ZBTB7C: variants seen among roughly 807,000 people sequenced by gnomAD.
The protein encoded by ZBTB7C is zinc finger and BTB domain-containing protein 7C.
Under a neutral mutation model 25.7 loss-of-function variants are expected in ZBTB7C, and 8 were observed. The ratio of observed to expected loss-of-function variants is 0.31; its 90% CI spans 0.18 to 0.56. ZBTB7C has a LOEUF of 0.56. Ranked by LOEUF, ZBTB7C falls within the 20% of genes least tolerant of loss-of-function variation. The pLI is 0.91. For synonymous variants in ZBTB7C, 394 were observed against 369.0 expected, an observed-to-expected ratio of 1.07 and a Z score of -0.78; for missense variants, 824 against 855.2, an observed-to-expected ratio of 0.96 and a Z score of 0.46.
intron 1 of ZBTB7C, among the ~76,000 whole-genome samples, chr18:48,368,471 T>A (rs1413474233): frequency 6.6e-6 from 1 of 152,124 alleles, no homozygotes; most frequent in Non-Finnish European, 1.5e-5. Flanking sequence ...ACAGAAGTTC[T>A]AACATTTCTG....
intron 2 of ZBTB7C, among the ~76,000 whole-genome samples, chr18:48,243,710 T>C (rs1488417082): frequency 6.6e-6 from 1 of 152,134 alleles, no homozygotes; most frequent in Non-Finnish European, 1.5e-5. Flanking sequence ...AGAGCTCACA[T>C]AGCCAAAGCA....
chr18:48,231,659 G>A (rs1157374302), intron 2 of ZBTB7C, among the ~76,000 whole-genome samples: 1 of 152,222 alleles, frequency 6.6e-6, no homozygotes, highest in African/African-American at 2.4e-5. Flanking sequence ...ACCCACCGAT[G>A]GTGGGGCTGA....
At chr18:48,284,613 GC>G (rs1235834701) in intron 2 of ZBTB7C, among the ~76,000 whole-genome samples, 1 of 152,080 alleles carries the variant, frequency 6.6e-6, no homozygotes, top group Non-Finnish European at 1.5e-5. Flanking sequence ...GGCCAACATA[GC>G]GGAACCGTGT....
intron 2 of ZBTB7C, among the ~76,000 whole-genome samples, chr18:48,229,146 G>A (rs888051997): frequency 9.2e-5 from 14 of 152,166 alleles, no homozygotes; most frequent in African/African-American, 2.6e-4. Flanking sequence ...CCACGTGCCC[G>A]CCCAGGCAGC....
chr18:48,149,130 G>C (rs1355440588), intron 3 of ZBTB7C: 7 of 150,624 alleles, frequency 4.6e-5, no homozygotes, highest in African/African-American at 7.4e-5. Context: ...GCAGGCCTGT[G>C]TGTGTGCGCG....
chr18:48,147,564 C>T (rs1913261089), intron 3 of ZBTB7C: 1 of 151,980 alleles, frequency 6.6e-6, no homozygotes, highest in African/African-American at 2.4e-5. Flanking sequence ...CTTTGAGGAA[C>T]CTCTTTTCCT....
intron 3 of ZBTB7C, among the ~76,000 whole-genome samples, chr18:48,167,783 A>G (rs916263873): frequency 1.3e-5 from 2 of 152,246 alleles, no homozygotes; most frequent in Admixed American, 1.3e-4. Flanking sequence ...CAGGGTTTCA[A>G]GGTTTCTTTG....
intron 1 of ZBTB7C, among the ~76,000 whole-genome samples, chr18:48,388,546 T>A (rs756298481): frequency 3.3e-5 from 5 of 152,190 alleles, no homozygotes; most frequent in African/African-American, 4.8e-5. Flanking sequence ...AATGGGAAAT[T>A]CATGAGAGAA....
intron 2 of ZBTB7C, among the ~76,000 whole-genome samples, chr18:48,230,432 C>A (rs559495103): frequency 6.7e-6 from 1 of 148,620 alleles, no homozygotes; most frequent in East Asian, 2.2e-4. Flanking sequence ...CTTTTCCTTG[C>A]TCCTCAGTTT....
intron 3 of ZBTB7C, among the ~76,000 whole-genome samples, chr18:48,167,563 G>GGGGTGTGTGTGTGTGTTT (rs1555705394): frequency 1.4e-5 from 2 of 142,578 alleles, no homozygotes; most frequent in South Asian, 2.3e-4. Flanking sequence ...GCATTGCTAG[G>GGGGTGTGTGTGTGTGTTT]GTGTGTGTGT....
At chr18:48,141,860 C>T (rs532041999) in intron 3 of ZBTB7C, among the ~76,000 whole-genome samples, 25 of 152,184 alleles carry the variant, frequency 1.6e-4, no homozygotes, top group African/African-American at 2.2e-4. Context: ...ATGACCTCAC[C>T]GTTCTGAACT....
intron 3 of ZBTB7C, among the ~76,000 whole-genome samples, chr18:48,174,285 T>G (rs1354768086): frequency 6.6e-6 from 1 of 152,120 alleles, no homozygotes; most frequent in Admixed American, 6.5e-5. Flanking sequence ...ATGGACAAGA[T>G]ATAAAGACAA....
At chr18:48,208,639 G>A (rs185939274) in intron 2 of ZBTB7C, among the ~76,000 whole-genome samples, 3 of 152,226 alleles carry the variant, frequency 2.0e-5, no homozygotes, top group Non-Finnish European at 2.9e-5. Context: ...GCCCCAGGAG[G>A]GCTTTGTCAG....
chr18:48,160,935 G>GTTTTTTT (rs59824886), intron 3 of ZBTB7C, among the ~76,000 whole-genome samples: 1 of 136,896 alleles, frequency 7.3e-6, no homozygotes, highest in African/African-American at 2.8e-5. Flanking sequence ...TTTGAGACAA[G>GTTTTTTT]TTTTTTTTTT....
chr18:48,085,027 C>G (rs527967863), intron 3 of ZBTB7C, among the ~76,000 whole-genome samples: 2 of 152,218 alleles, frequency 1.3e-5, no homozygotes, highest in South Asian at 4.1e-4. Flanking sequence ...GCCCAGCCCC[C>G]GGGAATGGTG....
intron 2 of ZBTB7C, among the ~76,000 whole-genome samples, chr18:48,293,988 C>A (rs904132750): frequency 5.3e-5 from 8 of 152,196 alleles, no homozygotes; most frequent in African/African-American, 1.9e-4. Flanking sequence ...CCGCTGTGGC[C>A]GTGTTTCTTG....
At chr18:48,300,875 A>C (rs1200220998) in intron 2 of ZBTB7C, among the ~76,000 whole-genome samples, 1 of 152,262 alleles carries the variant, frequency 6.6e-6, no homozygotes, top group African/African-American at 2.4e-5. Context: ...TTCGCTGCAA[A>C]GCAAAGGCCT....
chr18:48,387,174 G>C (rs1162932219), intron 1 of ZBTB7C, among the ~76,000 whole-genome samples: 5 of 152,196 alleles, frequency 3.3e-5, no homozygotes, highest in Non-Finnish European at 7.3e-5. Flanking sequence ...GTCAGGGTAT[G>C]CAAAGATGCA....
In ZBTB7C at chr18:48,172,622, C is replaced by T. The variant is rs76566015; in HGVS notation, c.-17+13312G>A. On this transcript the variant is annotated intron_variant, in intron 3 of 4. Coordinates refer to ENST00000590800, the MANE Select transcript of ZBTB7C (RefSeq NM_001318841.2). ...CCAAACACTTGACTGACGTGACCCA[C>T]GGGGCCACAGGGAATGGCCTTCACT... Among the ~76,000 whole-genome samples the T allele has an allele frequency of 3.9e-4, 59 of 152,324 alleles. No individual in the cohort carries two copies. The East Asian group carries it at 7.4e-3, about 19-fold the overall frequency.
Sources: gnomAD v4.1 joint callset for allele counts (sites outside exome capture counted in the v4.1 genomes callset) on GRCh38, gnomAD v4.1.1 for gene constraint, MANE v1.5 for transcripts, NCBI Gene and HGNC (gene_info 2026-07-23, HGNC 2026-07-21) for gene names.